Variants in TDRD3 observed in about 807,000 individuals in gnomAD.
TDRD3 encodes the protein tudor domain containing 3, also known as tudor domain-containing protein 3.
TDRD3 carries 45 observed loss-of-function variants against 86.7 expected under a neutral mutation model. The ratio of observed to expected loss-of-function variants is 0.52; its 90% CI spans 0.41 to 0.67. The LOEUF (loss-of-function observed/expected upper bound fraction) is 0.67. Ranked by LOEUF, TDRD3 falls within the 30% of genes least tolerant of loss-of-function variation. The pLI is 0.00. For synonymous variants in TDRD3, 298 were observed against 301.7 expected (o/e 0.99, Z 0.13); for missense variants, 814 against 889.0 (o/e 0.92, Z 1.07).
intron 8 of TDRD3, 52 bp downstream of exon 8, chr13:60,494,627 T>G: frequency 6.5e-7 from 1 of 1,548,816 alleles, no homozygotes; most frequent in East Asian, 2.3e-5. Flanking sequence ...TTAAAATGAT[T>G]CTTTTATTCT....
chr13:60,565,524 A>C (rs1317777461), intron 12 of TDRD3, among the ~76,000 whole-genome samples: 1 of 152,192 alleles, frequency 6.6e-6, no homozygotes, highest in African/African-American at 2.4e-5. Context: ...AGATAGAAAT[A>C]GATTTTCAAA....
At chr13:60,493,751 G>C (rs1351066750) in intron 7 of TDRD3, among the ~76,000 whole-genome samples, 1 of 152,142 alleles carries the variant, frequency 6.6e-6, no homozygotes, top group South Asian at 2.1e-4. Flanking sequence ...CAGTTATGAA[G>C]TTGTGTCTTT....
chr13:60,451,440 C>T (rs1955539200), intron 3 of TDRD3, among the ~76,000 whole-genome samples: 1 of 152,130 alleles, frequency 6.6e-6, no homozygotes, highest in Non-Finnish European at 1.5e-5. Context: ...CTTGTTCCAG[C>T]TCGTGAAGTT....
At chr13:60,459,623 C>CT (rs1209730291) in intron 3 of TDRD3, among the ~76,000 whole-genome samples, 1 of 152,122 alleles carries the variant, frequency 6.6e-6, no homozygotes, top group Non-Finnish European at 1.5e-5. Context: ...AGAAAACACT[C>CT]TTTTGTTGTT....
At chr13:60,442,746 T>C (rs920501029) in intron 2 of TDRD3, among the ~76,000 whole-genome samples, 3 of 151,798 alleles carry the variant, frequency 2.0e-5, no homozygotes, top group Non-Finnish European at 2.9e-5. Flanking sequence ...GACAACAACT[T>C]TGTGAGATAG....
intron 13 of TDRD3, among the ~76,000 whole-genome samples, chr13:60,571,970 G>A (rs1958595142): frequency 6.6e-6 from 1 of 152,070 alleles, no homozygotes; most frequent in Non-Finnish European, 1.5e-5. Flanking sequence ...TCTAGTTCCT[G>A]GACACTGTCA....
chr13:60,440,366 A>G (rs1391743864), intron 2 of TDRD3, among the ~76,000 whole-genome samples: 1 of 151,446 alleles, frequency 6.6e-6, no homozygotes, highest in Non-Finnish European at 1.5e-5. Flanking sequence ...TTCAAGAGTT[A>G]TAAAAGTTGT....
chr13:60,434,906 G>A (rs1955053510), intron 1 of TDRD3, among the ~76,000 whole-genome samples: 1 of 152,130 alleles, frequency 6.6e-6, no homozygotes, highest in Non-Finnish European at 1.5e-5. Flanking sequence ...TTTCTTTCCT[G>A]ATTACCTCAA....
At chr13:60,519,022 A>C (rs1269442411) in intron 10 of TDRD3, among the ~76,000 whole-genome samples, 1 of 152,178 alleles carries the variant, frequency 6.6e-6, no homozygotes, top group Non-Finnish European at 1.5e-5. Context: ...TATTAAATCT[A>C]CATTGTTTTA....
chr13:60,507,314 A>C (rs1338690663), intron 8 of TDRD3, among the ~76,000 whole-genome samples: 1 of 152,180 alleles, frequency 6.6e-6, no homozygotes, highest in African/African-American at 2.4e-5. Flanking sequence ...AAGGATATTC[A>C]GGACTTGAAC....
In TDRD3 at chr13:60,509,780, G is replaced by A. The variant is rs754835385; in HGVS notation, c.876G>A (p.Leu292=). 18 of 1,613,642 alleles carry A rather than the reference G, an allele frequency of 1.1e-5. No homozygotes were observed. The highest frequency in any genetic ancestry group is 1.4e-5 in the Non-Finnish European group (16 of 1,179,698). The change falls in exon 9 of 14, where the codon CTG becomes CTA. Residue 292 remains leucine (L), a synonymous_variant. Coordinates refer to ENST00000377881, the MANE Select transcript of TDRD3 (RefSeq NM_001146070.2). The part of the protein sequence containing the change: ...VYRELVDEKA[L]KHITEMGFSK... ...CCTTCCAGGTTGATGAGAAAGCTCTGAAGCACATAACGGAAATGGGCTTCA... is the reference window on the plus strand; with the variant it reads ...CCTTCCAGGTTGATGAGAAAGCTCTAAAGCACATAACGGAAATGGGCTTCA...
At chr13:60,424,570 C>T (rs1954751608) in intron 1 of TDRD3, among the ~76,000 whole-genome samples, 1 of 151,780 alleles carries the variant, frequency 6.6e-6, no homozygotes, top group African/African-American at 2.4e-5. Context: ...CCAGCTACTC[C>T]GAAGGCTGAG....
intron 3 of TDRD3, among the ~76,000 whole-genome samples, chr13:60,451,865 T>C (rs1431000437): frequency 1.8e-4 from 27 of 152,184 alleles, no homozygotes; most frequent in Admixed American, 1.7e-3. Context: ...TAGAATCAAA[T>C]GATTAAGACT....
chr13:60,509,803 T>TCAGTAAGGAAGCATCGAGGCAAGC lies in TDRD3; in HGVS notation c.900_923dup (p.Ser301_Ala308dup). The TCAGTAAGGAAGCATCGAGGCAAGC allele has an allele frequency of 6.2e-7, 1 of 1,613,828 alleles. No individual in the cohort carries two copies. Among genetic ancestry groups the TCAGTAAGGAAGCATCGAGGCAAGC allele is most frequent in the Non-Finnish European group, 8.5e-7 (1 of 1,179,740 alleles). The stretch of plus-strand genomic sequence containing the variant: ...CTGAAGCACATAACGGAAATGGGCT[T>TCAGTAAGGAAGCATCGAGGCAAGC]CAGTAAGGAAGCATCGAGGCAAGCT... On this transcript the variant is annotated inframe_insertion, in exon 9 of 14. Coordinates refer to ENST00000377881, the MANE Select transcript of TDRD3 (RefSeq NM_001146070.2).
At chr13:60,399,025 G>A (rs765881293) in intron 1 of TDRD3, among the ~76,000 whole-genome samples, 30 of 152,028 alleles carry the variant, frequency 2.0e-4, no homozygotes, top group Non-Finnish European at 4.1e-4. Flanking sequence ...CCCCTCCTTT[G>A]GAAAGATTAG....
intron 12 of TDRD3, among the ~76,000 whole-genome samples, chr13:60,553,565 AAAG>A (rs200615235): frequency 0.019 from 2,934 of 152,166 alleles, 103 homozygotes; most frequent in African/African-American, 0.067. Flanking sequence ...AAAAAAAAAA[AAAG>A]AGGTTTAATT....
intron 5 of TDRD3, among the ~76,000 whole-genome samples, chr13:60,477,910 CCTT>C (rs1956220205): frequency 1.3e-5 from 2 of 152,120 alleles, no homozygotes; most frequent in African/African-American, 2.4e-5. Flanking sequence ...AGAATTTCCT[CCTT>C]CTTGATATTT....
At chr13:60,506,621 G>A (rs1468920972) in intron 8 of TDRD3, among the ~76,000 whole-genome samples, 1 of 152,164 alleles carries the variant, frequency 6.6e-6, no homozygotes, top group Non-Finnish European at 1.5e-5. Flanking sequence ...GCTGGGCGTT[G>A]TGGTGCATGC....
intron 12 of TDRD3, among the ~76,000 whole-genome samples, chr13:60,539,448 T>A (rs981022588): frequency 5.9e-5 from 9 of 152,098 alleles, no homozygotes; most frequent in Middle Eastern, 3.4e-3. Flanking sequence ...CCATATTAGT[T>A]TAAAGATAAA....
Sources: gnomAD v4.1 joint callset for allele counts (sites outside exome capture counted in the v4.1 genomes callset) on GRCh38, gnomAD v4.1.1 for gene constraint, MANE v1.5 for transcripts, NCBI Gene and HGNC (gene_info 2026-07-23, HGNC 2026-07-21) for gene names.